Variants in GRM1 observed in about 807,000 individuals in gnomAD.
GRM1 encodes metabotropic glutamate receptor 1.
Under a neutral mutation model 90.9 loss-of-function variants are expected in GRM1, and 33 were observed. The observed-to-expected ratio is 0.36, with a 90% CI of 0.28 to 0.49. The LOEUF is 0.49. GRM1 is among the 20% of genes least tolerant of loss of function. The pLI is 0.99. For missense variants in GRM1, 1,190 were observed against 1,534.3 expected (o/e 0.78, Z 3.75); for synonymous variants, 700 against 613.2 (o/e 1.14, Z -2.09).
chr6:146,259,596 C>T (rs553469490), intron 2 of GRM1, among the ~76,000 whole-genome samples: 1 of 152,204 alleles, frequency 6.6e-6, no homozygotes, highest in South Asian at 2.1e-4. Flanking sequence ...GTATAATGCC[C>T]TCTATGTTCA....
At chr6:146,037,027 T>A (rs1322786409) in intron 1 of GRM1, among the ~76,000 whole-genome samples, 1 of 151,972 alleles carries the variant, frequency 6.6e-6, no homozygotes, top group East Asian at 1.9e-4. Flanking sequence ...TTTTGAAAAA[T>A]GCACAAAACA....
chr6:146,417,528 A>G (rs1470426842), intron 7 of GRM1, among the ~76,000 whole-genome samples: 1 of 152,194 alleles, frequency 6.6e-6, no homozygotes, highest in East Asian at 1.9e-4. Context: ...GAGAAATTGT[A>G]TGATAATTGC....
At chr6:146,136,226 G>A (rs975379772) in intron 1 of GRM1, among the ~76,000 whole-genome samples, 52 of 152,182 alleles carry the variant, frequency 3.4e-4, no homozygotes, top group African/African-American at 1.2e-3. Context: ...ATGGTAAATA[G>A]TACTGAAATA....
chr6:146,406,593 C>G (rs560460114), intron 7 of GRM1, among the ~76,000 whole-genome samples: 56 of 152,144 alleles, frequency 3.7e-4, no homozygotes, highest in African/African-American at 1.3e-3. Context: ...TTTTGGGAGG[C>G]TGAGGTGGGT....
At chr6:146,338,760 T>C (rs950235077) in intron 3 of GRM1, among the ~76,000 whole-genome samples, 2 of 152,184 alleles carry the variant, frequency 1.3e-5, no homozygotes, top group African/African-American at 4.8e-5. Context: ...AAGCCCAGAG[T>C]AGCTCTTTAT....
At chr6:146,277,064 T>C (rs1350621805) in intron 2 of GRM1, among the ~76,000 whole-genome samples, 1 of 152,178 alleles carries the variant, frequency 6.6e-6, no homozygotes, top group Non-Finnish European at 1.5e-5. Flanking sequence ...ATTGCACCCC[T>C]GCACTCCAGC....
chr6:146,043,375 T>C (rs561623000), intron 1 of GRM1, among the ~76,000 whole-genome samples: 2 of 152,104 alleles, frequency 1.3e-5, no homozygotes, highest in South Asian at 4.1e-4. Context: ...CTAAGTAACA[T>C]GTTAATATTT....
intron 3 of GRM1, among the ~76,000 whole-genome samples, chr6:146,346,705 A>G (rs1785202331): frequency 6.6e-6 from 1 of 152,204 alleles, no homozygotes; most frequent in Non-Finnish European, 1.5e-5. Context: ...TCCTTCAATA[A>G]ATCTAAGACT....
At chr6:146,432,182 A>G (rs576105928) in intron 7 of GRM1, among the ~76,000 whole-genome samples, 74 of 152,384 alleles carry the variant, frequency 4.9e-4, no homozygotes, top group African/African-American at 1.8e-3. Flanking sequence ...TTGACATAAC[A>G]GAGATGAGCT....
chr6:146,289,644 C>T (rs960197253), intron 2 of GRM1, among the ~76,000 whole-genome samples: 6 of 152,212 alleles, frequency 3.9e-5, no homozygotes, highest in African/African-American at 1.4e-4. Context: ...AGAGCAACCT[C>T]TAATCCCACA....
At chr6:146,161,423 T>C (rs1777721298) in intron 2 of GRM1, among the ~76,000 whole-genome samples, 1 of 152,218 alleles carries the variant, frequency 6.6e-6, no homozygotes, top group Non-Finnish European at 1.5e-5. Flanking sequence ...CTAGCTCTTT[T>C]ATTTTACCTC....
chr6:146,185,551 C>T (rs1236375295), intron 2 of GRM1, among the ~76,000 whole-genome samples: 1 of 152,166 alleles, frequency 6.6e-6, no homozygotes, highest in African/African-American at 2.4e-5. Context: ...CAGGCCTGGG[C>T]AGCTTTCCAC....
chr6:146,037,196 A>G (rs1393001836), intron 1 of GRM1, among the ~76,000 whole-genome samples: 1 of 151,964 alleles, frequency 6.6e-6, no homozygotes, highest in African/African-American at 2.4e-5. Context: ...CACCAAAGCG[A>G]TGACTTCTTC....
At chr6:146,099,727 A>T (rs879638606) in intron 1 of GRM1, among the ~76,000 whole-genome samples, 1 of 152,082 alleles carries the variant, frequency 6.6e-6, no homozygotes, top group Non-Finnish European at 1.5e-5. Flanking sequence ...ATGTGACTTT[A>T]GTTTGTCCAT....
At chr6:146,167,123 A>G (rs552490586) in intron 2 of GRM1, among the ~76,000 whole-genome samples, 9 of 152,252 alleles carry the variant, frequency 5.9e-5, no homozygotes, top group South Asian at 4.1e-4. Flanking sequence ...AGAATTTCAC[A>G]TAGAAGGAAT....
intron 2 of GRM1, among the ~76,000 whole-genome samples, chr6:146,303,895 C>T (rs917486852): frequency 3.3e-5 from 5 of 152,110 alleles, no homozygotes; most frequent in African/African-American, 4.8e-5. Context: ...GGCTACATTA[C>T]GTCTGGTAGA....
chr6:146,267,441 A>G (rs1781932683), intron 2 of GRM1, among the ~76,000 whole-genome samples: 1 of 152,166 alleles, frequency 6.6e-6, no homozygotes, highest in African/African-American at 2.4e-5. Context: ...GTCAGAACCA[A>G]TAGAATATAT....
chr6:146,374,610 C>T lies in GRM1; in HGVS notation c.1603-12280C>T, dbSNP rs574664479. On this transcript the variant is annotated intron_variant, in intron 5 of 7. Transcript: ENST00000282753. The stretch of plus-strand genomic sequence containing the variant: ...TTCAATCTTGGTAGGTTGTGTGTAT[C>T]CACGGATTTGTCTATTTCTTCTAGA... Among the ~76,000 whole-genome samples, 248 of 152,144 alleles carry T rather than the reference C, an allele frequency of 1.6e-3. 2 individuals carry two copies. Among genetic ancestry groups the T allele is most frequent in the African/African-American group, 5.7e-3 (238 of 41,552 alleles).
At chr6:146,397,769 C>CATCCAAACAGAATTATCAGA (rs1777019577) in intron 6 of GRM1, among the ~76,000 whole-genome samples, 2 of 152,154 alleles carry the variant, frequency 1.3e-5, no homozygotes, top group African/African-American at 4.8e-5. Context: ...TAAGGGCTGA[C>CATCCAAACAGAATTATCAGA]AGTGCTTGCT....
Sources: gnomAD v4.1 joint callset for allele counts (sites outside exome capture counted in the v4.1 genomes callset) on GRCh38, gnomAD v4.1.1 for gene constraint, MANE v1.5 for transcripts, NCBI Gene and HGNC (gene_info 2026-07-23, HGNC 2026-07-21) for gene names.